Variants in PPM1L observed in about 807,000 individuals in gnomAD.
PPM1L encodes the protein protein phosphatase 1L.
PPM1L carries 13 observed loss-of-function variants against 31.4 expected under a neutral mutation model. The observed-to-expected ratio is 0.41, with a 90% CI of 0.27 to 0.66. PPM1L has a LOEUF of 0.66. PPM1L is among the 30% of genes least tolerant of loss of function. The pLI is 0.29. For synonymous variants in PPM1L, 184 were observed against 175.4 expected (o/e 1.05, Z -0.39); for missense variants, 326 against 453.7 (o/e 0.72, Z 2.56).
At chr3:160,775,616 A>C (rs941194468) in intron 1 of PPM1L, among the ~76,000 whole-genome samples, 2 of 152,190 alleles carry the variant, frequency 1.3e-5, no homozygotes, top group African/African-American at 4.8e-5. Context: ...GGTGTGAGGC[A>C]AGAAGTTTGA....
intron 1 of PPM1L, among the ~76,000 whole-genome samples, chr3:160,848,967 T>G (rs768683235): frequency 6.6e-6 from 1 of 152,132 alleles, no homozygotes; most frequent in Non-Finnish European, 1.5e-5. Context: ...ACAAATTAAT[T>G]TTATTATCCA....
chr3:161,000,698 C>G lies in PPM1L; in HGVS notation c.574+38788C>G, dbSNP rs528164716. Among the ~76,000 whole-genome samples the G allele has an allele frequency of 4.3e-3, 657 of 152,226 alleles. 4 individuals carry two copies. The highest frequency in any genetic ancestry group is 6.8e-3 in the Non-Finnish European group (459 of 67,998). On this transcript the variant is annotated intron_variant, in intron 2 of 3. Transcript: ENST00000498165. ...ACAAAAAATATTGCCCAATACCTAG[C>G]CTTTTATTTTGTAAGATATACTCGA...
At chr3:160,861,414 C>T (rs1312291547) in intron 1 of PPM1L, among the ~76,000 whole-genome samples, 1 of 152,140 alleles carries the variant, frequency 6.6e-6, no homozygotes, top group East Asian at 1.9e-4. Flanking sequence ...TGCTTGGCAG[C>T]TGATATAAAT....
At chr3:160,973,299 T>C (rs970269375) in intron 2 of PPM1L, among the ~76,000 whole-genome samples, 11 of 152,224 alleles carry the variant, frequency 7.2e-5, no homozygotes, top group Non-Finnish European at 1.3e-4. Flanking sequence ...TCTGAAGTAG[T>C]ATTTGATTAC....
intron 2 of PPM1L, among the ~76,000 whole-genome samples, chr3:160,962,990 C>G (rs1263120813): frequency 1.4e-5 from 2 of 147,932 alleles, no homozygotes; most frequent in Non-Finnish European, 3.0e-5. Flanking sequence ...TTTTTGTTTT[C>G]CAGACACATT....
At chr3:161,032,959 C>T (rs1056549926) in intron 2 of PPM1L, among the ~76,000 whole-genome samples, 4 of 150,316 alleles carry the variant, frequency 2.7e-5, no homozygotes, top group African/African-American at 2.5e-5. Context: ...GATCCACCCA[C>T]CTCGGGATTA....
chr3:160,833,800 T>C (rs1020730644), intron 1 of PPM1L, among the ~76,000 whole-genome samples: 1 of 152,104 alleles, frequency 6.6e-6, no homozygotes, highest in Non-Finnish European at 1.5e-5. Flanking sequence ...TTGTCAATTT[T>C]TTTTTTGTTG....
chr3:161,064,462 C>G (rs6796168), intron 2 of PPM1L, among the ~76,000 whole-genome samples: 6,945 of 152,004 alleles, frequency 0.046, 429 homozygotes, highest in African/African-American at 0.13. Context: ...AGAATATGAC[C>G]TTAATGAGGA....
intron 1 of PPM1L, among the ~76,000 whole-genome samples, chr3:160,845,667 T>G (rs1460193059): frequency 6.6e-6 from 1 of 152,062 alleles, no homozygotes; most frequent in Admixed American, 6.6e-5. Context: ...TTTTGACTTT[T>G]GTGTATGATG....
intron 2 of PPM1L, among the ~76,000 whole-genome samples, chr3:160,989,964 C>T (rs1717077888): frequency 6.8e-6 from 1 of 146,576 alleles, no homozygotes; most frequent in African/African-American, 2.7e-5. Context: ...TGCACCCAGC[C>T]ATAGCAACGT....
At chr3:160,910,362 G>T (rs1713930019) in intron 1 of PPM1L, among the ~76,000 whole-genome samples, 1 of 144,814 alleles carries the variant, frequency 6.9e-6, no homozygotes, top group Non-Finnish European at 1.5e-5. Flanking sequence ...ACCCAGTCTG[G>T]AGTGCACTGG....
chr3:161,004,217 T>C (rs1193209704), intron 2 of PPM1L, among the ~76,000 whole-genome samples: 7 of 147,954 alleles, frequency 4.7e-5, no homozygotes, highest in African/African-American at 1.8e-4. Flanking sequence ...ATAAGCTTTT[T>C]GATGTGCCGC....
At chr3:160,940,742 C>T (rs1218320860) in intron 1 of PPM1L, among the ~76,000 whole-genome samples, 1 of 152,198 alleles carries the variant, frequency 6.6e-6, no homozygotes, top group Admixed American at 6.5e-5. Context: ...TCATGGAGAA[C>T]CTCTGCTAGG....
At chr3:161,019,920 C>T (rs555391463) in intron 2 of PPM1L, among the ~76,000 whole-genome samples, 4 of 152,128 alleles carry the variant, frequency 2.6e-5, no homozygotes, top group African/African-American at 9.6e-5. Flanking sequence ...GTCAGGAGAT[C>T]GAGACCATCC....
chr3:160,812,291 G>C (rs1712837557), intron 1 of PPM1L, among the ~76,000 whole-genome samples: 1 of 152,098 alleles, frequency 6.6e-6, no homozygotes, highest in Admixed American at 6.5e-5. Context: ...AAGAGAATTT[G>C]ATCCTTCCTA....
At chr3:160,762,742 A>G in intron 1 of PPM1L, among the ~76,000 whole-genome samples, 1 of 152,144 alleles carries the variant, frequency 6.6e-6, no homozygotes, top group East Asian at 1.9e-4. Context: ...TTAGAGATTG[A>G]AGAAAAAATA....
chr3:161,053,401 T>G (rs1719329540), intron 2 of PPM1L, among the ~76,000 whole-genome samples: 2 of 152,188 alleles, frequency 1.3e-5, no homozygotes, highest in Admixed American at 6.5e-5. Flanking sequence ...TGTGATCAGT[T>G]TACTAGGAAG....
intron 2 of PPM1L, among the ~76,000 whole-genome samples, chr3:161,012,317 C>T (rs1300589142): frequency 6.6e-6 from 1 of 152,122 alleles, no homozygotes; most frequent in Non-Finnish European, 1.5e-5. Flanking sequence ...TGCTGGATTC[C>T]ATTTATTGAT....
intron 1 of PPM1L, among the ~76,000 whole-genome samples, chr3:160,794,620 T>C (rs1356014186): frequency 6.6e-6 from 1 of 152,200 alleles, no homozygotes. Context: ...ACGAAGTTCT[T>C]AATGGACTGA....
Sources: gnomAD v4.1 joint callset for allele counts (sites outside exome capture counted in the v4.1 genomes callset) on GRCh38, gnomAD v4.1.1 for gene constraint, MANE v1.5 for transcripts, NCBI Gene and HGNC (gene_info 2026-07-23, HGNC 2026-07-21) for gene names.